NEBL: variants seen among roughly 807,000 people sequenced by gnomAD.
NEBL encodes nebulette.
A neutral mutation model predicts 140.2 loss-of-function variants in NEBL; 122 were observed. The ratio of observed to expected loss-of-function variants is 0.87; its 90% CI spans 0.75 to 1.01. The LOEUF (loss-of-function observed/expected upper bound fraction) is 1.01. Among genes scored for constraint, NEBL ranks in the 50% least tolerant of loss-of-function variants. The pLI, the probability that NEBL is intolerant of heterozygous loss-of-function variation, is 0.00. For synonymous variants in NEBL, 436 were observed against 398.9 expected, an observed-to-expected ratio of 1.09 and a Z score of -1.11; for missense variants, 1,365 against 1,231.3, an observed-to-expected ratio of 1.11 and a Z score of -1.62.
At chr10:21,131,636 T>C (rs1305005015) in intron 2 of NEBL, among the ~76,000 whole-genome samples, 1 of 145,494 alleles carries the variant, frequency 6.9e-6, no homozygotes. Flanking sequence ...GTTATTGTTT[T>C]CAAATCCATG....
chr10:21,072,820 G>T (rs546592583), intron 2 of NEBL, among the ~76,000 whole-genome samples: 1 of 152,076 alleles, frequency 6.6e-6, no homozygotes, highest in South Asian at 2.1e-4. Flanking sequence ...ATAAAACTCC[G>T]TCTCTACTAA....
intron 3 of NEBL, among the ~76,000 whole-genome samples, chr10:21,207,633 T>G (rs528018612): frequency 6.6e-6 from 1 of 151,976 alleles, no homozygotes; most frequent in South Asian, 2.1e-4. Context: ...GTTTGGCCAA[T>G]GGGAGCCCCT....
intron 4 of NEBL, among the ~76,000 whole-genome samples, chr10:20,932,243 A>G (rs1834228398): frequency 6.6e-6 from 1 of 152,240 alleles, no homozygotes; most frequent in South Asian, 2.1e-4. Context: ...GCAGCCTTAA[A>G]AAAGAATGAG....
At chr10:21,071,078 A>G (rs1404689008) in intron 2 of NEBL, among the ~76,000 whole-genome samples, 1 of 151,840 alleles carries the variant, frequency 6.6e-6, no homozygotes, top group Non-Finnish European at 1.5e-5. Flanking sequence ...AGGCTAAGTC[A>G]GGAGGATCAC....
chr10:21,175,450 A>C (rs1017264033), upstream of NEBL, among the ~76,000 whole-genome samples: 3 of 152,248 alleles, frequency 2.0e-5, no homozygotes, highest in Non-Finnish European at 4.4e-5. Context: ...ATTAAGACTC[A>C]ATAATGCCAC....
intron 2 of NEBL, among the ~76,000 whole-genome samples, chr10:21,163,835 C>A (rs1330037823): frequency 6.6e-6 from 1 of 152,216 alleles, no homozygotes; most frequent in Non-Finnish European, 1.5e-5. Flanking sequence ...AATGAGTCAA[C>A]AGAGAGTGTG....
chr10:20,854,271 A>G (rs1327536454), intron 9 of NEBL, among the ~76,000 whole-genome samples: 1 of 152,140 alleles, frequency 6.6e-6, no homozygotes, highest in Non-Finnish European at 1.5e-5. Flanking sequence ...AGGGAGCGGG[A>G]AAGAGCTGGC....
At chr10:20,867,892 A>G (rs1844466293) in intron 7 of NEBL, 1 of 151,996 alleles carries the variant, frequency 6.6e-6, no homozygotes, top group Non-Finnish European at 1.5e-5. Flanking sequence ...TTAATCTCTC[A>G]CTACACCAAT....
chr10:21,076,876 T>A (rs1362020965), intron 2 of NEBL, among the ~76,000 whole-genome samples: 1 of 151,886 alleles, frequency 6.6e-6, no homozygotes, highest in African/African-American at 2.4e-5. Context: ...GATAGACAAA[T>A]GGCCAGAGAC....
At chr10:21,117,962 G>T (rs1236393635) in intron 2 of NEBL, among the ~76,000 whole-genome samples, 1 of 152,014 alleles carries the variant, frequency 6.6e-6, no homozygotes, top group Admixed American at 6.6e-5. Context: ...ATATAGTGAG[G>T]TTTAACTGAG....
At chr10:21,017,182 A>AGAT (rs1372579506) in intron 3 of NEBL, among the ~76,000 whole-genome samples, 1 of 151,818 alleles carries the variant, frequency 6.6e-6, no homozygotes, top group Non-Finnish European at 1.5e-5. Flanking sequence ...ACCTAAATAG[A>AGAT]GATAATAATA....
At position 20,859,044 on chromosome 10, in the gene NEBL, A is replaced by G. The variant is rs73607533; in HGVS notation, c.798+669T>C. ...GTTCCTTTAAGTATATTTCATCTCTATTTCTAAGAAAGCAACAGATCAATA... is the reference window on the plus strand; with the variant it reads ...GTTCCTTTAAGTATATTTCATCTCTGTTTCTAAGAAAGCAACAGATCAATA... On this transcript the variant is annotated intron_variant, in intron 8 of 27. Coordinates refer to ENST00000377122, the MANE Select transcript of NEBL (RefSeq NM_006393.3). Among the ~76,000 whole-genome samples the G allele has an allele frequency of 9.9e-3, 1,506 of 152,212 alleles. 24 individuals carry two copies. Among genetic ancestry groups the G allele is most frequent in the African/African-American group, 0.032 (1,337 of 41,562 alleles).
intron 3 of NEBL, among the ~76,000 whole-genome samples, chr10:21,014,382 T>C (rs1379179239): frequency 2.0e-5 from 3 of 152,144 alleles, no homozygotes; most frequent in Non-Finnish European, 4.4e-5. Flanking sequence ...CTGCAGGATA[T>C]CCAAAATCTG....
chr10:20,798,891 A>G (rs1280338030), intron 26 of NEBL, among the ~76,000 whole-genome samples: 2 of 152,190 alleles, frequency 1.3e-5, no homozygotes, highest in African/African-American at 2.4e-5. Context: ...TCCTTTCCCC[A>G]ACTTCACACT....
intron 2 of NEBL, among the ~76,000 whole-genome samples, chr10:21,045,608 G>A (rs1434466306): frequency 6.6e-6 from 1 of 152,136 alleles, no homozygotes; most frequent in Non-Finnish European, 1.5e-5. Flanking sequence ...GCCAACAGGT[G>A]TGTGAAAAAT....
chr10:20,918,071 G>C (rs754903576), intron 4 of NEBL, among the ~76,000 whole-genome samples: 9 of 152,174 alleles, frequency 5.9e-5, no homozygotes, highest in Non-Finnish European at 1.3e-4. Context: ...TAGAATCCAA[G>C]CTCCAGGCCA....
At position 21,172,518 on chromosome 10, in the gene NEBL, C is replaced by T. The variant is rs760230810; in HGVS notation, c.70-41G>A. On this transcript the variant is annotated intron_variant, in intron 1 of 6. Coordinates refer to the NEBL transcript ENST00000417816. Reference sequence around the variant, plus strand: ...AAACATTTAAAAATACAGTACAATGCCAGTTCTCACCAGGATGGGCACAGA... The same window carrying T: ...AAACATTTAAAAATACAGTACAATGTCAGTTCTCACCAGGATGGGCACAGA... 6.9e-6 allele frequency: 10 copies of T among 1,452,906 alleles called. No individual in the cohort carries two copies. The Admixed American group carries it at 8.6e-5, about 12-fold the overall frequency. The allele number at this position is 1,452,906 out of a possible 1,614,324, so 90.0% of individuals were successfully genotyped here.
intron 4 of NEBL, among the ~76,000 whole-genome samples, chr10:20,911,492 A>G (rs1249569748): frequency 6.6e-6 from 1 of 152,240 alleles, no homozygotes; most frequent in Non-Finnish European, 1.5e-5. Flanking sequence ...TGAATGGCCA[A>G]TAAAGTATAG....
intron 4 of NEBL, among the ~76,000 whole-genome samples, chr10:20,902,475 T>G: frequency 6.6e-6 from 1 of 152,086 alleles, no homozygotes; most frequent in South Asian, 2.1e-4. Flanking sequence ...TAGATCCCAC[T>G]CACAAATGAG....
Sources: allele counts gnomAD v4.1 joint callset (sites outside exome capture counted in the v4.1 genomes callset), GRCh38; gene constraint gnomAD v4.1.1; transcripts MANE v1.5; gene names NCBI Gene and HGNC (gene_info 2026-07-23, HGNC 2026-07-21).